Variants in PTPN14 observed in about 807,000 individuals in gnomAD.
PTPN14 encodes the protein tyrosine-protein phosphatase non-receptor type 14.
In PTPN14, 53 loss-of-function variants were observed where a neutral mutation model predicts 126.8. The observed-to-expected ratio is 0.42, with a 90% CI of 0.34 to 0.53. The LOEUF is 0.53. Among genes scored for constraint, PTPN14 ranks in the 20% least tolerant of loss-of-function variants. The pLI is 0.08. For missense variants in PTPN14, 1,257 were observed against 1,552.9 expected (o/e 0.81, Z 3.20); for synonymous variants, 630 against 599.3 (o/e 1.05, Z -0.75).
intron 13 of PTPN14, among the ~76,000 whole-genome samples, chr1:214,381,964 G>GCAAAATCATAGGTCACTAAAGCCT: frequency 6.6e-6 from 1 of 152,138 alleles, no homozygotes; most frequent in Non-Finnish European, 1.5e-5. Flanking sequence ...GAGTGCAGTG[G>GCAAAATCATAGGTCACTAAAGCCT]TGCCATCTCG....
chr1:214,468,226 T>C (rs1660683059), intron 1 of PTPN14, among the ~76,000 whole-genome samples: 2 of 152,228 alleles, frequency 1.3e-5, no homozygotes, highest in Admixed American at 6.5e-5. Context: ...GAAGTCATGA[T>C]GCCTGTAACT....
At position 214,352,662 on chromosome 1, in the gene PTPN14, T is replaced by C. The variant is rs965608849; in HGVS notation, c.*5260A>G. 7.2e-5 allele frequency: 11 copies of C among 152,206 alleles called. No individual in the cohort carries two copies. The highest frequency in any genetic ancestry group is 1.5e-4 in the Non-Finnish European group (10 of 68,042). The allele number at this position is 152,206 out of a possible 1,614,324, so 9.4% of individuals were successfully genotyped here. ...AAGTATCAAATGCAGTTTAACATCTTACAGCTTTATTTCCACCCTATAGGG... is the reference window on the plus strand; with the variant it reads ...AAGTATCAAATGCAGTTTAACATCTCACAGCTTTATTTCCACCCTATAGGG... On this transcript the variant is annotated 3_prime_UTR_variant, in exon 19 of 19. Coordinates refer to ENST00000366956, the MANE Select transcript of PTPN14 (RefSeq NM_005401.5).
At chr1:214,521,430 C>T (rs979142708) in intron 1 of PTPN14, among the ~76,000 whole-genome samples, 3 of 152,144 alleles carry the variant, frequency 2.0e-5, no homozygotes, top group East Asian at 1.9e-4. Flanking sequence ...CAAGAAAGAA[C>T]GGCCAGGCGT....
At chr1:214,450,806 C>T (rs1660257231) in intron 3 of PTPN14, among the ~76,000 whole-genome samples, 2 of 152,140 alleles carry the variant, frequency 1.3e-5, no homozygotes, top group Admixed American at 1.3e-4. Context: ...CAAAAAAATG[C>T]ACTTATTCCA....
At chr1:214,533,870 GA>G (rs946834434) in intron 1 of PTPN14, among the ~76,000 whole-genome samples, 37 of 142,220 alleles carry the variant, frequency 2.6e-4, no homozygotes, top group African/African-American at 7.8e-4. Context: ...GAGAGAAAAA[GA>G]AAAAAAAAAG....
intron 1 of PTPN14, among the ~76,000 whole-genome samples, chr1:214,490,550 T>C (rs1661206459): frequency 6.6e-6 from 1 of 151,986 alleles, no homozygotes; most frequent in Admixed American, 6.6e-5. Context: ...TTGTGTTCCT[T>C]TAAGAAACAC....
At chr1:214,362,987 T>C (rs1322416257) in intron 18 of PTPN14, among the ~76,000 whole-genome samples, 1 of 152,230 alleles carries the variant, frequency 6.6e-6, no homozygotes, top group Admixed American at 6.5e-5. Flanking sequence ...TTTGTCTTCC[T>C]AGCAATGGAT....
chr1:214,450,338 G>A (rs1427879502), intron 3 of PTPN14, among the ~76,000 whole-genome samples: 1 of 151,516 alleles, frequency 6.6e-6, no homozygotes, highest in Admixed American at 6.6e-5. Flanking sequence ...CAGCCGTGGT[G>A]GCAGGCGCCT....
At chr1:214,454,849 G>A (rs1349803894) in intron 2 of PTPN14, among the ~76,000 whole-genome samples, 1 of 152,152 alleles carries the variant, frequency 6.6e-6, no homozygotes, top group African/African-American at 2.4e-5. Context: ...GTGCAGGGCA[G>A]AATTGGGGGA....
rs915889356 is a variant in PTPN14 at position 214,364,734 on chromosome 1, G to C, written c.3272-59C>G. ...TCCTCCATGGCTTCGCATGTAAGTTGGGGAGGGGGGAGCGGAAGAGAACTG... is the reference window on the plus strand; with the variant it reads ...TCCTCCATGGCTTCGCATGTAAGTTCGGGAGGGGGGAGCGGAAGAGAACTG... On this transcript the variant is annotated intron_variant, in intron 17 of 18. Coordinates refer to ENST00000366956, the MANE Select transcript of PTPN14 (RefSeq NM_005401.5). This position sits in a 1 kb window ranked among gnomAD's most constrained non-coding sequence, Gnocchi z 4.1. The C allele has an allele frequency of 6.4e-7, 1 of 1,556,758 alleles. No individual in the cohort carries two copies. The highest frequency in any genetic ancestry group is 8.7e-7 in the Non-Finnish European group (1 of 1,145,292).
At chr1:214,518,651 C>T (rs1472347246) in intron 1 of PTPN14, among the ~76,000 whole-genome samples, 1 of 152,114 alleles carries the variant, frequency 6.6e-6, no homozygotes, top group Non-Finnish European at 1.5e-5. Flanking sequence ...TCCCACTGGG[C>T]AGATGGGTTG....
chr1:214,433,166 G>C (rs1659832026), intron 3 of PTPN14, among the ~76,000 whole-genome samples: 1 of 152,058 alleles, frequency 6.6e-6, no homozygotes, highest in Non-Finnish European at 1.5e-5. Flanking sequence ...GCCTCCCAAA[G>C]TGCTGGGATT....
chr1:214,540,298 T>G (rs1228744846), intron 1 of PTPN14, among the ~76,000 whole-genome samples: 1 of 152,138 alleles, frequency 6.6e-6, no homozygotes, highest in Non-Finnish European at 1.5e-5. Context: ...TTACAAAATG[T>G]ATAATGCAAA....
At chr1:214,458,618 T>TCAGTGG (rs11283103) in intron 2 of PTPN14, among the ~76,000 whole-genome samples, 9 of 151,538 alleles carry the variant, frequency 5.9e-5, no homozygotes, top group African/African-American at 2.2e-4. Flanking sequence ...ACAGGGTACT[T>TCAGTGG]CTATTTAAGG....
chr1:214,545,418 C>T (rs1655945582), intron 1 of PTPN14, among the ~76,000 whole-genome samples: 1 of 152,168 alleles, frequency 6.6e-6, no homozygotes, highest in South Asian at 2.1e-4. Flanking sequence ...TTATCACAAT[C>T]TACTCTTGAG....
intron 3 of PTPN14, among the ~76,000 whole-genome samples, chr1:214,445,756 G>A (rs1296677782): frequency 1.3e-5 from 2 of 152,086 alleles, no homozygotes; most frequent in Admixed American, 6.6e-5. Context: ...CAGTGATCTT[G>A]GCCAGCAATT....
chr1:214,520,065 A>AAAAATATATATAT, intron 1 of PTPN14, among the ~76,000 whole-genome samples: 26 of 71,104 alleles, frequency 3.7e-4, no homozygotes, highest in African/African-American at 1.9e-3. Flanking sequence ...AAAAAAAAAA[A>AAAAATATATATAT]ATATATATAT....
Position 214,384,436 on chromosome 1 carries a change from GT to G in PTPN14, c.1418del (p.Asn473ThrfsTer65). The G allele has an allele frequency of 6.2e-7, 1 of 1,614,168 alleles. No homozygotes were observed. Among genetic ancestry groups the G allele is most frequent in the Non-Finnish European group, 8.5e-7 (1 of 1,180,028 alleles). On this transcript the variant is annotated frameshift_variant, in exon 13 of 19. Coordinates refer to ENST00000366956, the MANE Select transcript of PTPN14 (RefSeq NM_005401.5). LOFTEE classifies it high-confidence loss of function. The surrounding 1 kb of genome is among the most constrained non-coding windows in gnomAD (Gnocchi z 5.3). Reference sequence around the variant, plus strand: ...CCTCTGGCTGGTTGTAGGCATGGGTGTTGATAATGTTGAGGTTTCTCAGAGA... The same window carrying G: ...CCTCTGGCTGGTTGTAGGCATGGGTGTGATAATGTTGAGGTTTCTCAGAGA... ...SQSLRNLNII[N>X]THAYNQPEDL...
intron 1 of PTPN14, among the ~76,000 whole-genome samples, chr1:214,523,397 T>G (rs541035076): frequency 4.6e-5 from 7 of 152,206 alleles, no homozygotes; most frequent in Non-Finnish European, 1.0e-4. Flanking sequence ...ATATTTTTAC[T>G]GTGCTCTATG....
Sources: gnomAD v4.1 joint callset for allele counts (sites outside exome capture counted in the v4.1 genomes callset) on GRCh38, gnomAD v4.1.1 for gene constraint, Gnocchi (gnomAD v3.1) non-coding constraint, MANE v1.5 for transcripts, NCBI Gene and HGNC (gene_info 2026-07-23, HGNC 2026-07-21) for gene names.